The following ELAC1 variants were observed in gnomAD, a reference collection of about 807,000 sequenced individuals.
ELAC1 encodes elaC ribonuclease Z 1.
In ELAC1, 19 loss-of-function variants were observed where a neutral mutation model predicts 25.8. That is an observed-to-expected ratio of 0.74 (90% CI 0.51 to 1.08). The LOEUF (loss-of-function observed/expected upper bound fraction) is 1.08. Ranked by LOEUF, ELAC1 falls within the 50% of genes least tolerant of loss-of-function variation. The pLI is 0.00. For synonymous variants in ELAC1, 148 were observed against 160.9 expected, an observed-to-expected ratio of 0.92 and a Z score of 0.61; for missense variants, 403 against 434.6, an observed-to-expected ratio of 0.93 and a Z score of 0.65.
rs942918162 is a variant in ELAC1, at chr18:50,986,900, T to C, written c.907T>C (p.Leu303=). 1 of 1,613,880 alleles carries C rather than the reference T, an allele frequency of 6.2e-7. No individual in the cohort carries two copies. The highest frequency in any genetic ancestry group is 8.5e-7 in the Non-Finnish European group (1 of 1,179,822). ...TPQMAATFAK[L]CRAKRLVLTH... is the part of the protein sequence containing the mutation. ...ACAGATGGCAGCAACATTTGCAAAG[T>C]TGTGCCGTGCAAAGAGGCTGGTTCT... The change falls in exon 4 of 4, where the codon TTG becomes CTG. Residue 303 remains leucine (L), a synonymous_variant. Transcript: ENST00000269466.
At chr18:50,983,162 T>TTG (rs1908002542) in intron 2 of ELAC1, among the ~76,000 whole-genome samples, 1 of 128,704 alleles carries the variant, frequency 7.8e-6, no homozygotes, top group African/African-American at 3.4e-5. Flanking sequence ...GGTGTTTTTT[T>TTG]TTTTTTTTTT....
intron 1 of ELAC1, 26 bp downstream of exon 1, chr18:50,968,140 G>A (rs564543329): frequency 1.3e-5 from 2 of 152,158 alleles, no homozygotes; most frequent in African/African-American, 2.4e-5. Context: ...CATACCAGAG[G>A]GGGGCGGGCG....
chr18:50,981,901 C>G (rs2144320243), intron 2 of ELAC1, among the ~76,000 whole-genome samples: 1 of 144,902 alleles, frequency 6.9e-6, no homozygotes, highest in South Asian at 2.2e-4. Context: ...GGCTGGAGTG[C>G]AATGGCGTGA....
In ELAC1 at chr18:50,971,908, G is replaced by GTATATATA. The variant is rs755062125; in HGVS notation, c.-8-2488_-8-2487insATATATAT. On this transcript the variant is annotated intron_variant, in intron 1 of 3. Transcript: ENST00000269466. The stretch of plus-strand genomic sequence containing the variant: ...TATATATGTATATATGTGTGTGTGT[G>GTATATATA]TGTGTATATATATATATATATATAT... 2.4e-3 allele frequency among the ~76,000 whole-genome samples: 300 copies of GTATATATA among 127,144 alleles called. 3 individuals carry two copies. Among genetic ancestry groups the GTATATATA allele is most frequent in the African/African-American group, 9.5e-3 (280 of 29,474 alleles). 83.4% of individuals were successfully genotyped at this position (127,144 alleles called of 152,430 possible). A position where few individuals can be genotyped will look rare whatever the true frequency, so the allele number is the denominator to read the frequency against.
At chr18:50,975,625 C>T (rs897232307) in intron 2 of ELAC1, among the ~76,000 whole-genome samples, 1 of 151,840 alleles carries the variant, frequency 6.6e-6, no homozygotes, top group African/African-American at 2.4e-5. Context: ...TAGCACAGTG[C>T]CTCTCACTTA....
intron 2 of ELAC1, among the ~76,000 whole-genome samples, chr18:50,979,089 G>A (rs1907872611): frequency 6.6e-6 from 1 of 152,228 alleles, no homozygotes; most frequent in African/African-American, 2.4e-5. Context: ...AAGGTGTACT[G>A]AAATAGAAAC....
intron 1 of ELAC1, among the ~76,000 whole-genome samples, chr18:50,971,480 C>T (rs1460686265): frequency 6.6e-6 from 1 of 152,144 alleles, no homozygotes; most frequent in East Asian, 1.9e-4. Flanking sequence ...CTTAACCTTC[C>T]AGGTTCCAAT....
In ELAC1 at chr18:50,984,568, G is replaced by A. The variant is rs377545118; in HGVS notation, c.625+5G>A. Reference sequence around the variant, plus strand: ...CACAGAAACTTAAAGACCTTGGTAAGTGTTTTTTTGTTTTTTGTTTTTTCC... The same window carrying A: ...CACAGAAACTTAAAGACCTTGGTAAATGTTTTTTTGTTTTTTGTTTTTTCC... On this transcript the variant is annotated splice_donor_5th_base_variant and intron_variant, in intron 3 of 3. Coordinates refer to ENST00000269466, the MANE Select transcript of ELAC1 (RefSeq NM_018696.3). The A allele has an allele frequency of 1.6e-4, 249 of 1,600,956 alleles. No individual in the cohort carries two copies. Among genetic ancestry groups the A allele is most frequent in the Non-Finnish European group, 2.0e-4 (230 of 1,173,490 alleles).
In ELAC1 at chr18:50,986,867, A is replaced by G; in HGVS notation, c.874A>G (p.Ser292Gly). The change falls in exon 4 of 4, where the codon AGC becomes GGC. Residue 292 changes from serine (S) to glycine (G), a missense_variant. Ser to Gly is a moderately conservative substitution (Grantham distance 56, BLOSUM62 0). Transcript: ENST00000269466. ...GGACAAAGCAAAGGAGCATGGCCAC[A>G]GCACACCACAGATGGCAGCAACATT... The part of the protein sequence containing the change: ...QMDKAKEHGH[S>G]TPQMAATFAK... The G allele has an allele frequency of 6.2e-7, 1 of 1,614,160 alleles. No individual in the cohort carries two copies. Among genetic ancestry groups the G allele is most frequent in the Non-Finnish European group, 8.5e-7 (1 of 1,179,982 alleles).
In ELAC1 at chr18:50,984,603, A is replaced by G. The variant is rs377479349; in HGVS notation, c.625+40A>G. On this transcript the variant is annotated intron_variant, in intron 3 of 3. Coordinates refer to ENST00000269466, the MANE Select transcript of ELAC1 (RefSeq NM_018696.3). Reference sequence around the variant, plus strand: ...GTTTTTTGTTTTTTCCCGCCTTCTCATCAATAGGGCTCCTGTTGACTGAAG... The same window carrying G: ...GTTTTTTGTTTTTTCCCGCCTTCTCGTCAATAGGGCTCCTGTTGACTGAAG... 10 of 1,401,156 alleles carry G rather than the reference A, an allele frequency of 7.1e-6. No individual in the cohort carries two copies. The South Asian group carries it at 7.3e-5, about 10-fold the overall frequency. 86.8% of individuals were successfully genotyped at this position (1,401,156 alleles called of 1,614,324 possible). A position where few individuals can be genotyped will look rare whatever the true frequency, so the allele number is the denominator to read the frequency against.
chr18:50,986,926 G>C lies in ELAC1; in HGVS notation c.933G>C (p.Leu311=). 6 of 1,613,926 alleles carry C rather than the reference G, an allele frequency of 3.7e-6. No individual in the cohort carries two copies. The highest frequency in any genetic ancestry group is 4.2e-6 in the Non-Finnish European group (5 of 1,179,902). Residue 311 remains leucine, a synonymous_variant, in exon 4 of 4, where the codon CTG becomes CTC. Transcript: ENST00000269466. ...AKLCRAKRLV[L]THFSQRYKPV... is the part of the protein sequence containing the mutation. ...TGTGCCGTGCAAAGAGGCTGGTTCT[G>C]ACTCACTTCAGTCAGAGGTACAAAC...
intron 1 of ELAC1, among the ~76,000 whole-genome samples, chr18:50,971,182 G>A (rs1467692937): frequency 6.6e-6 from 1 of 152,082 alleles, no homozygotes; most frequent in Non-Finnish European, 1.5e-5. Flanking sequence ...ACCAAAAATG[G>A]GATTACTGGG....
At chr18:50,968,937 C>G (rs1489474744) in intron 1 of ELAC1, 1 of 152,120 alleles carries the variant, frequency 6.6e-6, no homozygotes, top group Non-Finnish European at 1.5e-5. Flanking sequence ...ACTGAACTCC[C>G]AATTCATGAT....
chr18:50,981,843 C>CTTTT (rs750956755), intron 2 of ELAC1, among the ~76,000 whole-genome samples: 4 of 117,862 alleles, frequency 3.4e-5, no homozygotes, highest in Non-Finnish European at 5.4e-5. Context: ...TGCTATAGTT[C>CTTTT]TTTTTTTTTT....
In ELAC1 at chr18:50,982,866, C is replaced by T. The variant is rs367918858; in HGVS notation, c.158-1230C>T. ...CCTCCTTTTCCCCTCCCTTCCTCACCGTTCTTCCTTTTTCTCCATCTTCTT... is the reference window on the plus strand; with the variant it reads ...CCTCCTTTTCCCCTCCCTTCCTCACTGTTCTTCCTTTTTCTCCATCTTCTT... On this transcript the variant is annotated intron_variant, in intron 2 of 3. Transcript: ENST00000269466. Among the ~76,000 whole-genome samples the T allele has an allele frequency of 5.9e-5, 9 of 152,206 alleles. No homozygotes were observed. In the East Asian group the frequency reaches 7.7e-4, roughly 13 times the overall value.
intron 1 of ELAC1, chr18:50,968,774 A>T (rs1431332612): frequency 6.6e-6 from 1 of 152,228 alleles, no homozygotes; most frequent in Non-Finnish European, 1.5e-5. Flanking sequence ...GCTCGCATTT[A>T]ATTCCTAGTG....
chr18:50,980,725 T>G (rs1010778514), intron 2 of ELAC1, among the ~76,000 whole-genome samples: 1 of 143,080 alleles, frequency 7.0e-6, no homozygotes, highest in Admixed American at 7.4e-5. Flanking sequence ...ATAGTGCCAC[T>G]GCACTCTAGC....
chr18:50,986,139 C>A (rs775613786), intron 3 of ELAC1, among the ~76,000 whole-genome samples: 1 of 150,410 alleles, frequency 6.6e-6, no homozygotes, highest in Non-Finnish European at 1.5e-5. Flanking sequence ...TGTGCCTTGG[C>A]CTCCCATATA....
intron 2 of ELAC1, among the ~76,000 whole-genome samples, chr18:50,981,271 G>A (rs934738450): frequency 3.3e-5 from 5 of 152,074 alleles, no homozygotes; most frequent in African/African-American, 1.2e-4. Context: ...AATAAGAAAA[G>A]TCCAAGTCTC....
Sources: allele counts gnomAD v4.1 joint callset (sites outside exome capture counted in the v4.1 genomes callset), GRCh38; gene constraint gnomAD v4.1.1; transcripts MANE v1.5; gene names NCBI Gene and HGNC (gene_info 2026-07-23, HGNC 2026-07-21).